Variants in TRHDE observed in about 807,000 individuals in gnomAD.
The protein encoded by TRHDE is thyrotropin releasing hormone degrading enzyme, also known as thyrotropin-releasing hormone-degrading ectoenzyme.
TRHDE carries 72 observed loss-of-function variants against 125.7 expected under a neutral mutation model. The observed-to-expected ratio is 0.57, with a 90% CI of 0.47 to 0.70. TRHDE has a LOEUF of 0.70. Ranked by LOEUF, TRHDE falls within the 30% of genes least tolerant of loss-of-function variation. The pLI, the probability that TRHDE is intolerant of heterozygous loss-of-function variation, is 0.00. For missense variants in TRHDE, 1,110 were observed against 1,327.1 expected (o/e 0.84, Z 2.54); for synonymous variants, 509 against 509.1 (o/e 1.00, Z 0.00).
intron 6 of TRHDE, among the ~76,000 whole-genome samples, chr12:72,517,533 C>CT (rs1271337625): frequency 6.6e-6 from 1 of 152,136 alleles, no homozygotes; most frequent in Non-Finnish European, 1.5e-5. Context: ...ATTCTTCTCT[C>CT]TTTTTTTCTT....
chr12:72,199,083 A>T (rs1315292752), intron 2 of TRHDE, among the ~76,000 whole-genome samples: 1 of 152,194 alleles, frequency 6.6e-6, no homozygotes, highest in Non-Finnish European at 1.5e-5. Flanking sequence ...ATCTCCCACC[A>T]GGTCCCTCTC....
At chr12:72,387,897 C>A (rs1872492285) in intron 3 of TRHDE, among the ~76,000 whole-genome samples, 1 of 152,110 alleles carries the variant, frequency 6.6e-6, no homozygotes, top group Non-Finnish European at 1.5e-5. Context: ...ACTGTGAGTT[C>A]ATTAAACCTC....
At chr12:72,337,717 GCTTATGT>G (rs1869891069) in intron 2 of TRHDE, among the ~76,000 whole-genome samples, 1 of 151,950 alleles carries the variant, frequency 6.6e-6, no homozygotes, top group Admixed American at 6.6e-5. Context: ...ACGAGTTCCT[GCTTATGT>G]CTTTTGCTGG....
chr12:72,477,054 G>C (rs958112497), intron 5 of TRHDE, among the ~76,000 whole-genome samples: 95 of 152,114 alleles, frequency 6.2e-4, no homozygotes, highest in African/African-American at 2.2e-3. Flanking sequence ...AGATTTCAAG[G>C]AAGGCATTTC....
chr12:72,314,220 AC>A (rs1005964434), intron 2 of TRHDE, among the ~76,000 whole-genome samples: 2 of 151,784 alleles, frequency 1.3e-5, no homozygotes, highest in Non-Finnish European at 2.9e-5. Flanking sequence ...AACAGCAGAC[AC>A]CAGGTCTTGT....
At position 72,591,511 on chromosome 12, in the gene TRHDE, T is replaced by G. The variant is rs1871680135; in HGVS notation, c.2321+15969T>G. ...CTTTAAAAAACCCAAAAGAAAATGT[T>G]ATAATTTTAAAAACATTTATATGCT... On this transcript the variant is annotated intron_variant, in intron 12 of 18. Coordinates refer to ENST00000261180, the MANE Select transcript of TRHDE (RefSeq NM_013381.3). Among the ~76,000 whole-genome samples, 3 of 152,058 alleles carry G rather than the reference T, an allele frequency of 2.0e-5. No homozygotes were observed. The South Asian group carries it at 6.2e-4, about 32-fold the overall frequency.
chr12:72,419,213 G>T (rs1013620156), intron 3 of TRHDE, among the ~76,000 whole-genome samples: 2 of 152,122 alleles, frequency 1.3e-5, no homozygotes, highest in African/African-American at 4.8e-5. Flanking sequence ...TATAATTGGT[G>T]TTTAAAGAAA....
At chr12:72,586,756 A>G (rs1871456571) in intron 12 of TRHDE, among the ~76,000 whole-genome samples, 1 of 151,338 alleles carries the variant, frequency 6.6e-6, no homozygotes, top group Non-Finnish European at 1.5e-5. Flanking sequence ...TTCAGTATAA[A>G]CTCTCCAGGA....
chr12:72,422,264 G>T (rs1457004762), intron 3 of TRHDE, among the ~76,000 whole-genome samples: 4 of 152,090 alleles, frequency 2.6e-5, no homozygotes, highest in Non-Finnish European at 5.9e-5. Flanking sequence ...TTGAAAATTG[G>T]TTAACTTGCA....
chr12:72,215,079 C>T (rs574151140), intron 2 of TRHDE, among the ~76,000 whole-genome samples: 1 of 152,182 alleles, frequency 6.6e-6, no homozygotes, highest in African/African-American at 2.4e-5. Flanking sequence ...CACCTGGGTG[C>T]AGGTGGGCTG....
intron 2 of TRHDE, among the ~76,000 whole-genome samples, chr12:72,170,401 A>G (rs570250991): frequency 3.3e-5 from 5 of 152,192 alleles, no homozygotes; most frequent in Non-Finnish European, 7.3e-5. Flanking sequence ...GAGAAGATTT[A>G]ACAGAAGACT....
chr12:72,583,962 T>G (rs972921561), intron 12 of TRHDE, among the ~76,000 whole-genome samples: 1 of 74,104 alleles, frequency 1.3e-5, no homozygotes, highest in Non-Finnish European at 2.0e-5. Flanking sequence ...AGACGGAGTC[T>G]CGCTGTCGCC....
intron 5 of TRHDE, among the ~76,000 whole-genome samples, chr12:72,483,569 G>T (rs1877272454): frequency 6.6e-6 from 1 of 151,838 alleles, no homozygotes; most frequent in Non-Finnish European, 1.5e-5. Context: ...TGCAAGTTCA[G>T]ATTTTACATT....
chr12:72,614,033 A>G (rs1872720426), intron 12 of TRHDE, among the ~76,000 whole-genome samples: 1 of 152,038 alleles, frequency 6.6e-6, no homozygotes, highest in Admixed American at 6.6e-5. Context: ...AGCAAGAGAG[A>G]GTGAGTCAGG....
chr12:72,597,743 A>G lies in TRHDE; in HGVS notation c.2322-21148A>G, dbSNP rs1444629546. On this transcript the variant is annotated intron_variant, in intron 12 of 18. Coordinates refer to ENST00000261180, the MANE Select transcript of TRHDE (RefSeq NM_013381.3). ...TATATATATATATATATATATATATATATATATATATATATGCATACACAC... is the reference window on the plus strand; with the variant it reads ...TATATATATATATATATATATATATGTATATATATATATATGCATACACAC... Among the ~76,000 whole-genome samples the G allele has an allele frequency of 7.8e-3, 70 of 8,992 alleles. 4 individuals are homozygous for G. In the East Asian group the frequency reaches 0.11, roughly 14 times the overall value. The allele number at this position is 8,992 out of a possible 152,430, so 5.9% of individuals were successfully genotyped here.
At chr12:72,256,483 G>T (rs570365728) in intron 2 of TRHDE, 2 of 151,654 alleles carry the variant, frequency 1.3e-5, no homozygotes, top group Admixed American at 6.6e-5. Flanking sequence ...ACTCCCTATC[G>T]CCCTATCTAT....
Position 72,380,684 on chromosome 12 carries a change from G to A in TRHDE, c.1315+2563G>A, listed in dbSNP as rs142527305. Among the ~76,000 whole-genome samples, 276 of 151,608 alleles carry A rather than the reference G, an allele frequency of 1.8e-3. 1 individual carries two copies. Among genetic ancestry groups the A allele is most frequent in the African/African-American group, 5.9e-3 (242 of 41,098 alleles). On this transcript the variant is annotated intron_variant, in intron 3 of 18. Transcript: ENST00000261180. Reference sequence around the variant, plus strand: ...ATGGGTGGATGACAGATCATGGACCGCCAGCAGGCTGCAGCTTCCTTCCTT... The same window carrying A: ...ATGGGTGGATGACAGATCATGGACCACCAGCAGGCTGCAGCTTCCTTCCTT...
chr12:72,206,765 T>G (rs1048044365), intron 2 of TRHDE, among the ~76,000 whole-genome samples: 1 of 152,064 alleles, frequency 6.6e-6, no homozygotes, highest in African/African-American at 2.4e-5. Flanking sequence ...ATAATTATAT[T>G]GCTTTGTGTG....
At chr12:72,518,894 T>C (rs1418490332) in intron 6 of TRHDE, among the ~76,000 whole-genome samples, 1 of 151,752 alleles carries the variant, frequency 6.6e-6, no homozygotes, top group Non-Finnish European at 1.5e-5. Context: ...TTATTTCTCC[T>C]TCACTTATGA....
Sources: allele counts gnomAD v4.1 joint callset (sites outside exome capture counted in the v4.1 genomes callset), GRCh38; gene constraint gnomAD v4.1.1; transcripts MANE v1.5; gene names NCBI Gene and HGNC (gene_info 2026-07-23, HGNC 2026-07-21).